Variants in PTPRN2 observed in about 807,000 individuals in gnomAD.
PTPRN2 encodes receptor-type tyrosine-protein phosphatase N2.
PTPRN2 carries 74 observed loss-of-function variants against 118.8 expected under a neutral mutation model. The ratio of observed to expected loss-of-function variants is 0.62; its 90% CI spans 0.52 to 0.76. The LOEUF (loss-of-function observed/expected upper bound fraction) is 0.76, where lower values mean the gene tolerates loss of function less well. Among genes scored for constraint, PTPRN2 ranks in the 30% least tolerant of loss-of-function variants. The pLI is 0.00. For missense variants in PTPRN2, 1,481 were observed against 1,394.4 expected (o/e 1.06, Z -0.99); for synonymous variants, 641 against 608.0 (o/e 1.05, Z -0.80).
intron 17 of PTPRN2, among the ~76,000 whole-genome samples, chr7:157,582,640 C>T (rs1490916602): frequency 6.6e-6 from 1 of 152,088 alleles, no homozygotes; most frequent in Non-Finnish European, 1.5e-5. Flanking sequence ...CTTTGGGAGG[C>T]CGAGGCAGGT....
intron 3 of PTPRN2, among the ~76,000 whole-genome samples, chr7:158,220,832 T>C (rs1322633190): frequency 1.3e-5 from 2 of 151,514 alleles, no homozygotes; most frequent in East Asian, 3.9e-4. Context: ...ACCAGCATCA[T>C]TTTTCACAGA....
intron 2 of PTPRN2, among the ~76,000 whole-genome samples, chr7:158,331,346 T>C (rs796657241): frequency 0.018 from 1,142 of 64,260 alleles, 29 homozygotes; most frequent in African/African-American, 0.068. Flanking sequence ...CTCACACCCA[T>C]ACTCTCACCA....
intron 11 of PTPRN2, among the ~76,000 whole-genome samples, chr7:158,020,293 T>C (rs1342348543): frequency 1.3e-5 from 2 of 152,190 alleles, no homozygotes; most frequent in Admixed American, 6.5e-5. Context: ...GAGGGTGGCC[T>C]TGTGCAGCCA....
rs562998821 is a variant in PTPRN2 at position 158,524,155 on chromosome 7, G to GTCA, written c.113-34371_113-34370insTGA. On this transcript the variant is annotated intron_variant, in intron 1 of 22. Coordinates refer to ENST00000389418, the MANE Select transcript of PTPRN2 (RefSeq NM_002847.5). The stretch of plus-strand genomic sequence containing the variant: ...GTGGAGTCATCTGCCCTGGAGTGGA[G>GTCA]TCTGCCCTGGAGTGGAGTCGTCTAC... Among the ~76,000 whole-genome samples, 158 of 67,546 alleles carry GTCA rather than the reference G, an allele frequency of 2.3e-3. 12 individuals are homozygous for GTCA. Among genetic ancestry groups the GTCA allele is most frequent in the Non-Finnish European group, 3.4e-3 (112 of 32,948 alleles). The allele number at this position is 67,546 out of a possible 152,430, so 44.3% of individuals were successfully genotyped here.
intron 2 of PTPRN2, among the ~76,000 whole-genome samples, chr7:158,389,832 G>A (rs963903699): frequency 2.0e-5 from 3 of 152,246 alleles, no homozygotes; most frequent in Non-Finnish European, 4.4e-5. Context: ...TCACAAACGG[G>A]CTCTTGGAGA....
At chr7:158,056,546 G>A (rs762748885) in intron 11 of PTPRN2, among the ~76,000 whole-genome samples, 1 of 152,228 alleles carries the variant, frequency 6.6e-6, no homozygotes, top group Non-Finnish European at 1.5e-5. Flanking sequence ...CTGAAAGGGT[G>A]CTCGGTTTGA....
At chr7:158,441,808 G>A (rs1470253708) in intron 2 of PTPRN2, among the ~76,000 whole-genome samples, 1 of 132,102 alleles carries the variant, frequency 7.6e-6, no homozygotes, top group Non-Finnish European at 1.7e-5. Flanking sequence ...TCATGGCAGT[G>A]GTGGTGATGG....
Position 157,869,971 on chromosome 7 carries a change from G to A in PTPRN2, c.1788+28702C>T, listed in dbSNP as rs946224149. Among the ~76,000 whole-genome samples the A allele has an allele frequency of 2.0e-5, 3 of 152,086 alleles. No homozygotes were observed. The highest frequency in any genetic ancestry group is 2.4e-5 in the African/African-American group (1 of 41,398). On this transcript the variant is annotated intron_variant, in intron 12 of 22. Transcript: ENST00000389418. This position sits in a 1 kb window ranked among gnomAD's most constrained non-coding sequence, Gnocchi z 4.2. ...CTGTTGCTTCGATGGGACCCCTTCCGCCTCTCGGTAGCCACTGCTGTGGTT... is the reference window on the plus strand; with the variant it reads ...CTGTTGCTTCGATGGGACCCCTTCCACCTCTCGGTAGCCACTGCTGTGGTT...
At chr7:158,437,130 T>C (rs1816625877) in intron 2 of PTPRN2, among the ~76,000 whole-genome samples, 1 of 152,180 alleles carries the variant, frequency 6.6e-6, no homozygotes, top group African/African-American at 2.4e-5. Flanking sequence ...ATACACTCCG[T>C]CCTGTACTTT....
At chr7:158,487,912 A>G (rs575955464) in intron 2 of PTPRN2, among the ~76,000 whole-genome samples, 5 of 152,316 alleles carry the variant, frequency 3.3e-5, no homozygotes, top group African/African-American at 1.2e-4. Flanking sequence ...CAAGGCCTGA[A>G]TATGTGTATT....
At chr7:158,260,153 GTC>G (rs1797303514) in intron 3 of PTPRN2, among the ~76,000 whole-genome samples, 2 of 152,202 alleles carry the variant, frequency 1.3e-5, no homozygotes, top group Admixed American at 1.3e-4. Flanking sequence ...GATGCCTGCT[GTC>G]TCTCTGTGGG....
intron 11 of PTPRN2, among the ~76,000 whole-genome samples, chr7:158,057,530 C>A (rs1012226500): frequency 3.3e-5 from 5 of 152,248 alleles, no homozygotes; most frequent in Admixed American, 2.0e-4. Flanking sequence ...GTTCTGGATT[C>A]TTTCCTAGTC....
At position 158,022,619 on chromosome 7, in the gene PTPRN2, C is replaced by T. The variant is rs113852154; in HGVS notation, c.1723+58679G>A. Among the ~76,000 whole-genome samples, 770 of 129,644 alleles carry T rather than the reference C, an allele frequency of 5.9e-3. 1 individual carries two copies. The highest frequency in any genetic ancestry group is 0.022 in the African/African-American group (717 of 33,088). The allele number at this position is 129,644 out of a possible 152,430, so 85.1% of individuals were successfully genotyped here. On this transcript the variant is annotated intron_variant, in intron 11 of 22. Transcript: ENST00000389418. This position sits in a 1 kb window ranked among gnomAD's most constrained non-coding sequence, Gnocchi z 4.6. The stretch of plus-strand genomic sequence containing the variant: ...TGTTCATAGCCAAGGCCCCGGCACC[C>T]GGGCACTCTGTCTGGGGCAGCCTGT...
At chr7:158,492,740 G>A (rs961814745) in intron 1 of PTPRN2, among the ~76,000 whole-genome samples, 11 of 152,230 alleles carry the variant, frequency 7.2e-5, no homozygotes, top group African/African-American at 2.7e-4. Context: ...TTCATTTTAA[G>A]TATCAGCCAC....
At chr7:158,495,789 G>T (rs992233741) in intron 1 of PTPRN2, among the ~76,000 whole-genome samples, 1 of 152,200 alleles carries the variant, frequency 6.6e-6, no homozygotes, top group African/African-American at 2.4e-5. Flanking sequence ...GCCAGGCTGG[G>T]CGTGGGAGGA....
At chr7:157,601,066 C>T (rs960853238) in intron 16 of PTPRN2, among the ~76,000 whole-genome samples, 4 of 152,190 alleles carry the variant, frequency 2.6e-5, no homozygotes, top group Non-Finnish European at 5.9e-5. Context: ...TTTGAGTGGG[C>T]TGTTGCGTGA....
intron 10 of PTPRN2, among the ~76,000 whole-genome samples, chr7:158,084,549 C>T (rs1813103684): frequency 6.6e-6 from 1 of 152,026 alleles, no homozygotes; most frequent in Admixed American, 6.6e-5. Context: ...ACAAAGATGC[C>T]TAGAGCCCTG....
intron 2 of PTPRN2, among the ~76,000 whole-genome samples, chr7:158,383,785 CAT>C (rs1301958749): frequency 5.3e-5 from 8 of 152,180 alleles, no homozygotes; most frequent in South Asian, 2.1e-4. Context: ...TTCACGCACA[CAT>C]ATGTCTCAGA....
intron 6 of PTPRN2, among the ~76,000 whole-genome samples, chr7:158,141,353 G>A (rs778463043): frequency 9.2e-5 from 14 of 152,200 alleles, no homozygotes; most frequent in Admixed American, 2.0e-4. Context: ...TCACTCAGCC[G>A]CACGTCCCGT....
Sources: gnomAD v4.1 joint callset for allele counts (sites outside exome capture counted in the v4.1 genomes callset) on GRCh38, gnomAD v4.1.1 for gene constraint, Gnocchi (gnomAD v3.1) non-coding constraint, MANE v1.5 for transcripts, NCBI Gene and HGNC (gene_info 2026-07-23, HGNC 2026-07-21) for gene names.